Variants in LONRF1 observed in about 807,000 individuals in gnomAD.
LONRF1 encodes the protein LON peptidase N-terminal domain and ring finger 1.
In LONRF1, 37 loss-of-function variants were observed where a neutral mutation model predicts 85.8. That is an observed-to-expected ratio of 0.43 (90% CI 0.33 to 0.57). LONRF1 has a LOEUF of 0.57. Ranked by LOEUF, LONRF1 falls within the 20% of genes least tolerant of loss-of-function variation. LONRF1 has a pLI of 0.04. For missense variants in LONRF1, 1,036 were observed against 978.0 expected (o/e 1.06, Z -0.79); for synonymous variants, 517 against 390.1 (o/e 1.33, Z -3.83).
chr8:12,736,967 C>T lies in LONRF1; in HGVS notation c.1287G>A (p.Lys429=). 6.2e-7 allele frequency: 1 copy of T among 1,613,384 alleles called. No homozygotes were observed. Among genetic ancestry groups the T allele is most frequent in the African/African-American group, 1.3e-5 (1 of 74,986 alleles). The change falls in exon 5 of 12, where the codon AAG becomes AAA. Residue 429 remains lysine (K), a synonymous_variant. Coordinates refer to ENST00000398246, the MANE Select transcript of LONRF1 (RefSeq NM_152271.5). ...TCACATCCTGTTCTAAAAGAGACAA[C>T]TTTCTTTTCAGCAGAACACCTTTTT... ...VQEKGVLLKR[K]LSLLEQDVIV... is the part of the protein sequence containing the mutation.
chr8:12,743,954 AAATT>A (rs1414634629), intron 1 of LONRF1, among the ~76,000 whole-genome samples: 1 of 152,204 alleles, frequency 6.6e-6, no homozygotes, highest in Admixed American at 6.5e-5. Flanking sequence ...TTAAGAAGCC[AAATT>A]ATTATCCTAT....
intron 8 of LONRF1, among the ~76,000 whole-genome samples, chr8:12,729,705 CCAAA>C (rs1363891902): frequency 4.6e-5 from 7 of 151,854 alleles, no homozygotes; most frequent in African/African-American, 7.3e-5. Flanking sequence ...ACCTTTTATC[CCAAA>C]CACTCATAGT....
At chr8:12,744,740 A>C (rs1451180586) in intron 1 of LONRF1, among the ~76,000 whole-genome samples, 1 of 152,206 alleles carries the variant, frequency 6.6e-6, no homozygotes, top group African/African-American at 2.4e-5. Flanking sequence ...TCCAGGCTAT[A>C]AAAGACTAGG....
chr8:12,731,930 A>T, intron 7 of LONRF1, 73 bp from the exon 8 acceptor site: 1 of 1,386,846 alleles, frequency 7.2e-7, no homozygotes, highest in Non-Finnish European at 1.0e-6. Context: ...CAGTTAACTG[A>T]TATATTAAAG....
At chr8:12,751,803 A>C (rs1344508951) in intron 1 of LONRF1, among the ~76,000 whole-genome samples, 1 of 152,118 alleles carries the variant, frequency 6.6e-6, no homozygotes, top group Non-Finnish European at 1.5e-5. Flanking sequence ...CATTAAACAC[A>C]AAAGGCAGGC....
intron 1 of LONRF1, among the ~76,000 whole-genome samples, chr8:12,751,781 A>G (rs1347664128): frequency 1.3e-5 from 2 of 151,958 alleles, no homozygotes; most frequent in East Asian, 1.9e-4. Flanking sequence ...GAGATAAGTC[A>G]GTGTAAAAAA....
intron 3 of LONRF1, 150 bp downstream of exon 3, chr8:12,740,724 A>G: frequency 1.0e-6 from 1 of 954,724 alleles, no homozygotes; most frequent in Non-Finnish European, 1.5e-6. Context: ...TACGTACATG[A>G]ACCTGAAAAC....
chr8:12,727,176 C>T (rs2117227397), intron 10 of LONRF1: 1 of 127,830 alleles, frequency 7.8e-6, no homozygotes, highest in Non-Finnish European at 1.7e-5. Flanking sequence ...TTCAAGAAAA[C>T]AAATGACAGG....
chr8:12,741,873 G>C (rs930305655), intron 2 of LONRF1, among the ~76,000 whole-genome samples: 4 of 149,962 alleles, frequency 2.7e-5, no homozygotes, highest in African/African-American at 9.9e-5. Flanking sequence ...ACAAAAATTA[G>C]AGTCCTACTA....
rs1466431316 is a variant in LONRF1, at chr8:12,729,256, G to C, written c.1765C>G (p.Pro589Ala). ...TVPCPLHVFEPRYRLMIRRSI... is the reference protein window; with the variant it reads ...TVPCPLHVFEARYRLMIRRSI... ...CTTCGAATCATCAATCTGTATCTTG[G>C]CTCAAATACATGGAGAGGGCAAGGC... The change falls in exon 9 of 12, where the codon CCA becomes GCA. Residue 589 changes from proline to alanine, a missense_variant. Pro to Ala is a conservative substitution (Grantham distance 27). Around this residue, in one of 3 missense-constraint regions of LONRF1, gnomAD observed 265 missense variants for 301.5 expected, o/e 0.88. Transcript: ENST00000398246. 6.2e-7 allele frequency: 1 copy of C among 1,613,816 alleles called. No individual in the cohort carries two copies. The highest frequency in any genetic ancestry group is 8.5e-7 in the Non-Finnish European group (1 of 1,179,882).
At chr8:12,735,244 C>A in intron 7 of LONRF1, 42 bp downstream of exon 7, 1 of 1,358,986 alleles carries the variant, frequency 7.4e-7, no homozygotes, top group South Asian at 1.2e-5. Context: ...ACCATGCTGC[C>A]AAACTTAAGA....
intron 1 of LONRF1, among the ~76,000 whole-genome samples, chr8:12,751,823 TA>T (rs1563161315): frequency 1.3e-5 from 2 of 151,982 alleles, no homozygotes; most frequent in Non-Finnish European, 2.9e-5. Context: ...CAGCATGGCT[TA>T]GGGGGATCAT....
chr8:12,736,648 T>A (rs1798725004), intron 6 of LONRF1, 53 bp downstream of exon 6: 1 of 1,205,300 alleles, frequency 8.3e-7, no homozygotes, highest in Admixed American at 2.1e-5. Context: ...TACACGGTAT[T>A]TTATGTATAC....
At chr8:12,751,296 GTTTTTTTTTT>G (rs869038024) in intron 1 of LONRF1, among the ~76,000 whole-genome samples, 19 of 69,536 alleles carry the variant, frequency 2.7e-4, no homozygotes, top group South Asian at 6.3e-4. Context: ...TTATTTTTAT[GTTTTTTTTTT>G]TTTTTTTTTT....
chr8:12,745,161 G>C (rs147540917), intron 1 of LONRF1, among the ~76,000 whole-genome samples: 2 of 152,164 alleles, frequency 1.3e-5, no homozygotes, highest in African/African-American at 4.8e-5. Flanking sequence ...CCCTAAAGGA[G>C]GTCCTAAAAA....
intron 1 of LONRF1, chr8:12,754,355 A>G (rs1394127749): frequency 5.2e-6 from 1 of 192,824 alleles, no homozygotes; most frequent in African/African-American, 2.3e-5. Flanking sequence ...GGGATAGCCC[A>G]GCTACCACCC....
intron 1 of LONRF1, among the ~76,000 whole-genome samples, chr8:12,751,294 A>ATGTTTTTTGTTTTTT (rs1799377723): frequency 2.4e-5 from 2 of 84,810 alleles, no homozygotes; most frequent in African/African-American, 8.3e-5. Context: ...TTTTATTTTT[A>ATGTTTTTTGTTTTTT]TGTTTTTTTT....
At chr8:12,750,185 CAT>C (rs911542427) in intron 1 of LONRF1, among the ~76,000 whole-genome samples, 14 of 152,316 alleles carry the variant, frequency 9.2e-5, no homozygotes, top group Admixed American at 1.3e-4. Context: ...TCCTATCTCA[CAT>C]GAGTTTGTGT....
chr8:12,740,165 C>G (rs970862910), intron 3 of LONRF1, among the ~76,000 whole-genome samples: 1 of 152,122 alleles, frequency 6.6e-6, no homozygotes, highest in African/African-American at 2.4e-5. Context: ...TGAGTATGTG[C>G]AGGAAAGCAT....
Sources: gnomAD v4.1 joint callset for allele counts (sites outside exome capture counted in the v4.1 genomes callset) on GRCh38, gnomAD v4.1.1 for gene constraint, gnomAD v4.1.1 regional missense constraint, MANE v1.5 for transcripts, NCBI Gene and HGNC (gene_info 2026-07-23, HGNC 2026-07-21) for gene names.